Variants in CREB5 observed in about 807,000 individuals in gnomAD.
The protein encoded by CREB5 is cAMP responsive element binding protein 5.
Under a neutral mutation model 57.1 loss-of-function variants are expected in CREB5, and 19 were observed. That is an observed-to-expected ratio of 0.33 (90% confidence interval 0.23 to 0.49). The LOEUF (loss-of-function observed/expected upper bound fraction) is 0.49. CREB5 is among the 20% of genes least tolerant of loss of function. The pLI is 0.99. For synonymous variants in CREB5, 238 were observed against 238.3 expected (o/e 1.00, Z 0.01); for missense variants, 579 against 671.6 (o/e 0.86, Z 1.52).
At chr7:28,590,683 T>C (rs1490145658) in intron 5 of CREB5, among the ~76,000 whole-genome samples, 1 of 130,954 alleles carries the variant, frequency 7.6e-6, no homozygotes, top group Non-Finnish European at 1.6e-5. Context: ...ATAATAATAA[T>C]AATAATAATA....
chr7:28,781,720 G>A (rs541308176), intron 7 of CREB5, among the ~76,000 whole-genome samples: 81 of 151,940 alleles, frequency 5.3e-4, no homozygotes, highest in African/African-American at 1.9e-3. Context: ...AGCTATGAAT[G>A]CTTCCATGAA....
chr7:28,716,555 A>C (rs947702720), intron 5 of CREB5, among the ~76,000 whole-genome samples: 2 of 152,192 alleles, frequency 1.3e-5, no homozygotes, highest in African/African-American at 4.8e-5. Context: ...CTCTCAGTGA[A>C]TCTTTCTCAT....
At chr7:28,800,820 C>T (rs1447410816) in intron 7 of CREB5, among the ~76,000 whole-genome samples, 2 of 152,206 alleles carry the variant, frequency 1.3e-5, no homozygotes, top group Non-Finnish European at 2.9e-5. Context: ...AGCCCCTTCT[C>T]GCGCTTTCTG....
rs569699140 is a variant in CREB5, at chr7:28,694,586, C to T, written c.465-24167C>T. ...AAATTTTTCTTTAGCGACAGGGTCTCGCTTTGTCACCCAGTGACACAATCA... is the reference window on the plus strand; with the variant it reads ...AAATTTTTCTTTAGCGACAGGGTCTTGCTTTGTCACCCAGTGACACAATCA... On this transcript the variant is annotated intron_variant, in intron 5 of 10. Coordinates refer to ENST00000357727, the MANE Select transcript of CREB5 (RefSeq NM_182898.4). Among the ~76,000 whole-genome samples the T allele has an allele frequency of 3.9e-5, 6 of 152,304 alleles. No individual in the cohort carries two copies. In the East Asian group the frequency reaches 7.7e-4, roughly 20 times the overall value.
intron 1 of CREB5, among the ~76,000 whole-genome samples, chr7:28,302,741 C>T (rs916967505): frequency 2.0e-5 from 3 of 152,148 alleles, no homozygotes; most frequent in African/African-American, 7.2e-5. Flanking sequence ...GCATGGAAAA[C>T]AACCACTAAA....
At chr7:28,640,771 T>G (rs1301348112) in intron 5 of CREB5, among the ~76,000 whole-genome samples, 1 of 152,148 alleles carries the variant, frequency 6.6e-6, no homozygotes, top group East Asian at 1.9e-4. Flanking sequence ...TTCAAACTGA[T>G]GATTCCTACC....
chr7:28,483,362 A>G (rs1375026061), intron 1 of CREB5, among the ~76,000 whole-genome samples: 1 of 152,236 alleles, frequency 6.6e-6, no homozygotes, highest in Non-Finnish European at 1.5e-5. Flanking sequence ...ATCCAGTGGC[A>G]GTCGAGGGTT....
At chr7:28,782,777 C>T (rs1255396684) in intron 7 of CREB5, among the ~76,000 whole-genome samples, 2 of 152,100 alleles carry the variant, frequency 1.3e-5, no homozygotes, top group Non-Finnish European at 2.9e-5. Context: ...GTTCAGCAAC[C>T]AATGAGCCAA....
At chr7:28,749,613 TTGTC>T (rs2128762564) in intron 7 of CREB5, 1 of 152,380 alleles carries the variant, frequency 6.6e-6, no homozygotes, top group African/African-American at 2.4e-5. Context: ...CATATGTTCA[TTGTC>T]TGTTGCATTT....
At chr7:28,590,417 C>G (rs1796459273) in intron 5 of CREB5, among the ~76,000 whole-genome samples, 1 of 150,650 alleles carries the variant, frequency 6.6e-6, no homozygotes, top group African/African-American at 2.4e-5. Context: ...TCTCAGCAAA[C>G]TATAGCAAGG....
At chr7:28,477,518 A>G in intron 1 of CREB5, among the ~76,000 whole-genome samples, 1 of 152,210 alleles carries the variant, frequency 6.6e-6, no homozygotes, top group Non-Finnish European at 1.5e-5. Flanking sequence ...TTTCATACTG[A>G]TTTGAAGTGT....
chr7:28,696,815 CG>C (rs1801594224), intron 5 of CREB5, among the ~76,000 whole-genome samples: 1 of 151,336 alleles, frequency 6.6e-6, no homozygotes, highest in Non-Finnish European at 1.5e-5. Context: ...TATACACATA[CG>C]TATACGTATA....
chr7:28,319,571 C>T (rs187631176), intron 1 of CREB5, among the ~76,000 whole-genome samples: 56 of 152,194 alleles, frequency 3.7e-4, no homozygotes, highest in South Asian at 1.5e-3. Flanking sequence ...CAGTGCCTTT[C>T]GGTGTTCATC....
intron 3 of CREB5, among the ~76,000 whole-genome samples, chr7:28,498,392 T>C (rs1489425588): frequency 6.6e-6 from 1 of 152,260 alleles, no homozygotes; most frequent in East Asian, 1.9e-4. Context: ...AACTTCAGAA[T>C]ATCTGGTTAA....
chr7:28,515,224 GAAAT>G (rs904518318), intron 4 of CREB5, among the ~76,000 whole-genome samples: 5 of 152,192 alleles, frequency 3.3e-5, no homozygotes, highest in African/African-American at 9.7e-5. Context: ...GAAATGCAGA[GAAAT>G]AAACTGTCAA....
At chr7:28,553,165 C>T (rs888381044) in intron 4 of CREB5, among the ~76,000 whole-genome samples, 2 of 152,332 alleles carry the variant, frequency 1.3e-5, no homozygotes, top group East Asian at 3.9e-4. Context: ...CTAAATTCCC[C>T]AGCACTGCAG....
rs1044460695 is a variant in CREB5, at chr7:28,825,479, TAATTA to T, written c.*6203_*6207del. ...GGAATATAAATATTGTCCAAAAATA[TAATTA>T]AAAGAAAAAAGTTTAGCACTGTGTA... is the stretch of plus-strand genomic sequence containing the variant. On this transcript the variant is annotated 3_prime_UTR_variant, in exon 11 of 11. Transcript: ENST00000357727. The T allele has an allele frequency of 2.6e-5, 4 of 152,606 alleles. No individual in the cohort carries two copies. Among genetic ancestry groups the T allele is most frequent in the Non-Finnish European group, 5.9e-5 (4 of 68,026 alleles). The allele number at this position is 152,606 out of a possible 1,614,324, so 9.5% of individuals were successfully genotyped here. A position where few individuals can be genotyped will look rare whatever the true frequency, so the allele number is the denominator to read the frequency against.
intron 7 of CREB5, among the ~76,000 whole-genome samples, chr7:28,741,738 C>G (rs6462104): frequency 0.081 from 12,303 of 152,114 alleles, 1,344 homozygotes; most frequent in African/African-American, 0.24. Context: ...GATCTCCCAC[C>G]AGCCAAGATA....
chr7:28,538,575 T>C (rs1238525667), intron 4 of CREB5, among the ~76,000 whole-genome samples: 1 of 152,204 alleles, frequency 6.6e-6, no homozygotes, highest in African/African-American at 2.4e-5. Context: ...GTTTTCTTTA[T>C]TGTATATTTG....
Sources: allele counts gnomAD v4.1 joint callset (sites outside exome capture counted in the v4.1 genomes callset), GRCh38; gene constraint gnomAD v4.1.1; transcripts MANE v1.5; gene names NCBI Gene and HGNC (gene_info 2026-07-23, HGNC 2026-07-21).